The following RAB3GAP2 variants were observed in gnomAD, a reference collection of about 807,000 sequenced individuals.
RAB3GAP2 encodes rab3 GTPase-activating protein non-catalytic subunit.
Under a neutral mutation model 185.3 loss-of-function variants are expected in RAB3GAP2, and 87 were observed. That is an observed-to-expected ratio of 0.47 (90% CI 0.39 to 0.56). The LOEUF (loss-of-function observed/expected upper bound fraction) is 0.56. Ranked by LOEUF, RAB3GAP2 falls within the 20% of genes least tolerant of loss-of-function variation. The pLI, the probability that RAB3GAP2 is intolerant of heterozygous loss-of-function variation, is 0.00. For missense variants in RAB3GAP2, 1,492 were observed against 1,638.2 expected, an observed-to-expected ratio of 0.91 and a Z score of 1.54; for synonymous variants, 554 against 576.1, an observed-to-expected ratio of 0.96 and a Z score of 0.55.
Position 220,171,024 on chromosome 1 carries a change from G to C in RAB3GAP2, c.2674C>G (p.Gln892Glu). The change falls in exon 24 of 35, where the codon CAG becomes GAG. Residue 892 changes from glutamine to glutamate, a missense_variant. Around this residue, in one of 5 missense-constraint regions of RAB3GAP2, gnomAD observed 681 missense variants for 689.1 expected, o/e 0.99. Transcript: ENST00000358951. ...TGAAGTATGAGACAATCCTCCAGCT[G>C]TTTCAGAAGGAGTTTCCAGTACTCA... ...DTEYWKLLLK[Q>E]LEDCLILQTL... 6.2e-7 allele frequency: 1 copy of C among 1,614,126 alleles called. No individual in the cohort carries two copies. Among genetic ancestry groups the C allele is most frequent in the Non-Finnish European group, 8.5e-7 (1 of 1,180,006 alleles).
In RAB3GAP2 at chr1:220,159,160, A is replaced by G. The variant is rs187522865; in HGVS notation, c.3261+226T>C. ...AGTTCAAAGCTGAACAACATCTTAT[A>G]AAAACCTAGTTTAATATGCTATCTA... On this transcript the variant is annotated intron_variant, in intron 29 of 34. Coordinates refer to ENST00000358951, the MANE Select transcript of RAB3GAP2 (RefSeq NM_012414.4). Among the ~76,000 whole-genome samples the G allele has an allele frequency of 1.9e-3, 292 of 152,340 alleles. 3 individuals carry two copies. The highest frequency in any genetic ancestry group is 2.8e-4 in the Non-Finnish European group (19 of 68,018).
At chr1:220,173,295 GTAAA>G (rs1479015392) in intron 21 of RAB3GAP2, among the ~76,000 whole-genome samples, 1 of 152,200 alleles carries the variant, frequency 6.6e-6, no homozygotes, top group Non-Finnish European at 1.5e-5. Flanking sequence ...TAAAATGGCT[GTAAA>G]CCAGCATACC....
rs1209786231 is a variant in RAB3GAP2 at position 220,153,323 on chromosome 1, G to A, written c.3729C>T (p.Pro1243=). The A allele has an allele frequency of 1.2e-6, 2 of 1,614,214 alleles. No individual in the cohort carries two copies. The highest frequency in any genetic ancestry group is 1.6e-4 in the Middle Eastern group (1 of 6,062). ...AATCTTGGTCTTTCCCAAAAGGAGT[G>A]GGTGTGGCCTCTTCTGTGGGATCTT... ...KVKDPTEEAT[P]TPFGKDQDWP... Residue 1243 remains proline (P), a synonymous_variant, in exon 33 of 35, where the codon CCC becomes CCT. Transcript: ENST00000358951.
At chr1:220,162,405 A>G (rs1657980442) in intron 27 of RAB3GAP2, 137 bp from the exon 28 acceptor site, 1 of 636,944 alleles carries the variant, frequency 1.6e-6, no homozygotes, top group African/African-American at 1.8e-5. Context: ...TAATATTTAT[A>G]AAGTTCATGA....
intron 9 of RAB3GAP2, among the ~76,000 whole-genome samples, chr1:220,202,016 T>C (rs1028900910): frequency 3.3e-5 from 5 of 151,802 alleles, no homozygotes; most frequent in African/African-American, 4.8e-5. Context: ...AATACAAAAA[T>C]CAGCCAGGCG....
rs932564246 is a variant in RAB3GAP2 at position 220,182,358 on chromosome 1, G to T, written c.2213-4C>A. On this transcript the variant is annotated splice_polypyrimidine_tract_variant and splice_region_variant and intron_variant, in intron 20 of 34. Transcript: ENST00000358951. ...CACTTCCAAAAAAAGAAACTACCTG[G>T]TAGAAGAAAAACAAAGCACATTAAT... The T allele has an allele frequency of 6.2e-7, 1 of 1,613,666 alleles. No individual in the cohort carries two copies. The highest frequency in any genetic ancestry group is 1.3e-5 in the African/African-American group (1 of 74,864).
intron 17 of RAB3GAP2, 102 bp from the exon 18 acceptor site, chr1:220,185,843 G>A: frequency 1.2e-6 from 1 of 823,802 alleles, no homozygotes; most frequent in East Asian, 2.6e-5. Context: ...AAATTTCAAA[G>A]GGAAGCTCTA....
chr1:220,268,055 G>A, intron 1 of RAB3GAP2: 1 of 410,054 alleles, frequency 2.4e-6, no homozygotes, highest in East Asian at 3.5e-5. Context: ...GATGAGCTAG[G>A]TTAAGAAATT....
At chr1:220,267,043 G>A (rs927742033) in intron 1 of RAB3GAP2, 59 of 1,611,166 alleles carry the variant, frequency 3.7e-5, no homozygotes, top group South Asian at 9.9e-5. Flanking sequence ...GTAGTCCAGG[G>A]TGCCACAGAG....
chr1:220,230,347 G>A (rs1328060218), intron 2 of RAB3GAP2, among the ~76,000 whole-genome samples: 2 of 152,180 alleles, frequency 1.3e-5, no homozygotes, highest in South Asian at 2.1e-4. Context: ...GTTTAAATCC[G>A]GAGTAAGCAG....
intron 26 of RAB3GAP2, among the ~76,000 whole-genome samples, chr1:220,166,684 A>C (rs929660310): frequency 2.0e-5 from 3 of 152,178 alleles, no homozygotes; most frequent in African/African-American, 7.2e-5. Context: ...AAGCAATAGA[A>C]AATGAAGCCT....
rs148941601 is a variant in RAB3GAP2 at position 220,200,267 on chromosome 1, C to T, written c.811+2009G>A. ...TCAAGTCTCAGTCTGAATGTCATGT[C>T]CTTGGAGAGGCCTTTCCTCACTAGT... On this transcript the variant is annotated intron_variant, in intron 9 of 34. Coordinates refer to ENST00000358951, the MANE Select transcript of RAB3GAP2 (RefSeq NM_012414.4). Among the ~76,000 whole-genome samples the T allele has an allele frequency of 7.1e-3, 1,082 of 152,272 alleles. 14 individuals are homozygous for T. Among genetic ancestry groups the T allele is most frequent in the African/African-American group, 0.024 (980 of 41,554 alleles).
intron 2 of RAB3GAP2, among the ~76,000 whole-genome samples, chr1:220,218,631 C>G (rs778318168): frequency 6.6e-6 from 1 of 152,000 alleles, no homozygotes; most frequent in Admixed American, 6.6e-5. Context: ...GGAGATATAT[C>G]TAATGTAAAT....
At chr1:220,270,653 A>G (rs1232059595) in intron 1 of RAB3GAP2, among the ~76,000 whole-genome samples, 1 of 152,058 alleles carries the variant, frequency 6.6e-6, no homozygotes, top group South Asian at 2.1e-4. Flanking sequence ...TCTTCATCCT[A>G]CTAAGGTTCT....
At chr1:220,200,122 C>A (rs1184319338) in intron 9 of RAB3GAP2, among the ~76,000 whole-genome samples, 1 of 152,170 alleles carries the variant, frequency 6.6e-6, no homozygotes, top group East Asian at 1.9e-4. Flanking sequence ...TCACACCAAC[C>A]CCCTTTCTGT....
chr1:220,222,000 T>C (rs1339860348), intron 2 of RAB3GAP2, among the ~76,000 whole-genome samples: 12 of 152,194 alleles, frequency 7.9e-5, no homozygotes, highest in Non-Finnish European at 1.5e-5. Flanking sequence ...TTTGCTAACT[T>C]TCACAGATAT....
At chr1:220,163,647 C>G (rs1658005646) in intron 27 of RAB3GAP2, among the ~76,000 whole-genome samples, 1 of 150,084 alleles carries the variant, frequency 6.7e-6, no homozygotes, top group Non-Finnish European at 1.5e-5. Flanking sequence ...CAGGTGTGAG[C>G]CACTGCGTCC....
Position 220,158,381 on chromosome 1 carries a change from C to CA in RAB3GAP2, c.3262-506dup, listed in dbSNP as rs1008491291. Among the ~76,000 whole-genome samples the CA allele has an allele frequency of 1.3e-5, 2 of 152,084 alleles. No homozygotes were observed. The highest frequency in any genetic ancestry group is 2.9e-5 in the Non-Finnish European group (2 of 68,020). Reference sequence around the variant, plus strand: ...AATACCAGATTGATGCTGTGAGCAACAGACGATTCTCAATGACTCCTTTAA... The same window carrying CA: ...AATACCAGATTGATGCTGTGAGCAACAAGACGATTCTCAATGACTCCTTTAA... On this transcript the variant is annotated intron_variant, in intron 29 of 34. Coordinates refer to ENST00000358951, the MANE Select transcript of RAB3GAP2 (RefSeq NM_012414.4). This position sits in a 1 kb window ranked among gnomAD's most constrained non-coding sequence, Gnocchi z 4.3.
Position 220,150,990 on chromosome 1 carries a change from G to T in RAB3GAP2, c.*261C>A. 1 of 422,028 alleles carries T rather than the reference G, an allele frequency of 2.4e-6. No individual in the cohort carries two copies. 26.1% of individuals were successfully genotyped at this position (422,028 alleles called of 1,614,324 possible). Reference sequence around the variant, plus strand: ...TAACAATAAAGCTACTTAAGTGTTTGAATTAGAAATAAACAGTAAAACATC... The same window carrying T: ...TAACAATAAAGCTACTTAAGTGTTTTAATTAGAAATAAACAGTAAAACATC... On this transcript the variant is annotated 3_prime_UTR_variant, in exon 35 of 35. Coordinates refer to ENST00000358951, the MANE Select transcript of RAB3GAP2 (RefSeq NM_012414.4).
Sources: gnomAD v4.1 joint callset for allele counts (sites outside exome capture counted in the v4.1 genomes callset) on GRCh38, gnomAD v4.1.1 for gene constraint, gnomAD v4.1.1 regional missense constraint, Gnocchi (gnomAD v3.1) non-coding constraint, MANE v1.5 for transcripts, NCBI Gene and HGNC (gene_info 2026-07-23, HGNC 2026-07-21) for gene names.